Variants in SYT1 observed in about 807,000 individuals in gnomAD.
SYT1 encodes the protein synaptotagmin 1.
In SYT1, 8 loss-of-function variants were observed where a neutral mutation model predicts 44.8. The observed-to-expected ratio is 0.18, with a 90% CI of 0.10 to 0.32. SYT1 has a LOEUF of 0.32. Among genes scored for constraint, SYT1 ranks in the 10% least tolerant of loss-of-function variants. SYT1 has a pLI of 1.00. For synonymous variants in SYT1, 154 were observed against 188.8 expected (o/e 0.82, Z 1.51); for missense variants, 286 against 509.3 (o/e 0.56, Z 4.22).
chr12:79,279,739 T>C (rs1187304184), intron 4 of SYT1, among the ~76,000 whole-genome samples: 2 of 151,940 alleles, frequency 1.3e-5, no homozygotes, highest in African/African-American at 4.8e-5. Flanking sequence ...TTGATATAAA[T>C]GTATACATAG....
At chr12:79,085,067 C>A (rs12309802) in intron 3 of SYT1, among the ~76,000 whole-genome samples, 2 of 151,904 alleles carry the variant, frequency 1.3e-5, no homozygotes, top group African/African-American at 4.8e-5. Context: ...TTGTATGAAG[C>A]AAAGTTTGTG....
chr12:79,308,561 A>G (rs1880548090), intron 8 of SYT1, among the ~76,000 whole-genome samples: 1 of 148,548 alleles, frequency 6.7e-6, no homozygotes, highest in African/African-American at 2.6e-5. Flanking sequence ...AAAAGAAAGA[A>G]AGGAAAAGAA....
intron 1 of SYT1, among the ~76,000 whole-genome samples, chr12:78,931,049 C>T (rs1160957408): frequency 6.6e-6 from 1 of 150,894 alleles, no homozygotes; most frequent in Non-Finnish European, 1.5e-5. Flanking sequence ...GAAATCCCAG[C>T]TACTTGGGAG....
intron 2 of SYT1, among the ~76,000 whole-genome samples, chr12:78,991,062 A>T (rs1869979031): frequency 1.3e-5 from 2 of 152,166 alleles, no homozygotes; most frequent in African/African-American, 4.8e-5. Context: ...AAACAACAGC[A>T]TTTGTATTCT....
chr12:79,215,470 G>A (rs1036485997), intron 3 of SYT1, among the ~76,000 whole-genome samples: 12 of 152,258 alleles, frequency 7.9e-5, no homozygotes, highest in Non-Finnish European at 1.2e-4. Flanking sequence ...GATCTGAGCC[G>A]ATATCTGTCC....
chr12:79,448,407 T>TAAC (rs1870852522), intron 10 of SYT1, among the ~76,000 whole-genome samples: 1 of 152,230 alleles, frequency 6.6e-6, no homozygotes, highest in South Asian at 2.1e-4. Flanking sequence ...AATTTTTTTG[T>TAAC]AACATGCTGT....
intron 1 of SYT1, among the ~76,000 whole-genome samples, chr12:78,890,545 A>G (rs1874996912): frequency 2.0e-5 from 3 of 151,894 alleles, no homozygotes; most frequent in African/African-American, 7.2e-5. Flanking sequence ...TAATAAAATA[A>G]TAATAATAAT....
At chr12:79,188,958 A>AT (rs5799416) in intron 3 of SYT1, among the ~76,000 whole-genome samples, 106,072 of 150,854 alleles carry the variant, frequency 0.7, 37,733 homozygotes, top group African/African-American at 0.77. Flanking sequence ...TCACTAACCT[A>AT]TTTTTTTTTA....
intron 9 of SYT1, among the ~76,000 whole-genome samples, chr12:79,402,562 C>A (rs144849205): frequency 6.6e-6 from 1 of 152,198 alleles, no homozygotes; most frequent in South Asian, 2.1e-4. Flanking sequence ...ACCTAAATAG[C>A]CCCCTACATT....
chr12:79,171,055 CTCTTT>C (rs1871490691), intron 3 of SYT1, among the ~76,000 whole-genome samples: 1 of 151,988 alleles, frequency 6.6e-6, no homozygotes, highest in Admixed American at 6.6e-5. Context: ...GTCTATGTGT[CTCTTT>C]TGGTACCAAT....
At chr12:79,107,293 T>C (rs1157974284) in intron 3 of SYT1, among the ~76,000 whole-genome samples, 2 of 151,986 alleles carry the variant, frequency 1.3e-5, no homozygotes, top group Non-Finnish European at 2.9e-5. Context: ...TAACTTGATA[T>C]AGTGTTTGTA....
In SYT1 at chr12:79,451,799, T is replaced by C. The variant is rs572590401; in HGVS notation, c.*2675T>C. 3.3e-5 allele frequency: 5 copies of C among 152,346 alleles called. No homozygotes were observed. The South Asian group carries it at 1.0e-3, about 32-fold the overall frequency. The allele number at this position is 152,346 out of a possible 1,614,324, so 9.4% of individuals were successfully genotyped here. On this transcript the variant is annotated 3_prime_UTR_variant, in exon 11 of 11. Transcript: ENST00000261205. ...TCTATGTGTGGGTTTTCCCTGTATC[T>C]TGTAGAAATGTTGGGGTGTTTTCCT...
intron 1 of SYT1, among the ~76,000 whole-genome samples, chr12:78,869,123 G>A (rs886721774): frequency 4.0e-5 from 6 of 151,800 alleles, no homozygotes; most frequent in Admixed American, 3.9e-4. Flanking sequence ...CTCAAGAAAT[G>A]ATCAACATTT....
At chr12:78,911,362 G>A (rs945647968) in intron 1 of SYT1, among the ~76,000 whole-genome samples, 1 of 151,910 alleles carries the variant, frequency 6.6e-6, no homozygotes, top group Non-Finnish European at 1.5e-5. Flanking sequence ...TTGTGTTTAG[G>A]TAGTAATTCA....
chr12:78,987,182 CATT>C (rs1326030425), intron 2 of SYT1, among the ~76,000 whole-genome samples: 1 of 152,038 alleles, frequency 6.6e-6, no homozygotes, highest in Admixed American at 6.6e-5. Flanking sequence ...GGCATTATAT[CATT>C]ATGATCAGTA....
intron 1 of SYT1, among the ~76,000 whole-genome samples, chr12:78,950,706 T>A (rs968498167): frequency 1.3e-5 from 2 of 152,112 alleles, no homozygotes; most frequent in Non-Finnish European, 2.9e-5. Flanking sequence ...TTTAAATGTA[T>A]GTATATTTAT....
chr12:79,314,168 C>CAAAAAAAAAAAAAAAAAAAAAAAAAAAAA (rs34951756), intron 8 of SYT1, among the ~76,000 whole-genome samples: 1 of 67,286 alleles, frequency 1.5e-5, no homozygotes, highest in African/African-American at 6.3e-5. Context: ...GACTCCGTCT[C>CAAAAAAAAAAAAAAAAAAAAAAAAAAAAA]AAAAAAAAAA....
intron 8 of SYT1, among the ~76,000 whole-genome samples, chr12:79,343,771 C>T (rs1472717335): frequency 6.6e-6 from 1 of 151,860 alleles, no homozygotes; most frequent in Non-Finnish European, 1.5e-5. Flanking sequence ...ATAAATGAAA[C>T]ACAATTTTGA....
chr12:79,221,201 T>C (rs1875137353), intron 4 of SYT1, among the ~76,000 whole-genome samples: 1 of 152,140 alleles, frequency 6.6e-6, no homozygotes, highest in Non-Finnish European at 1.5e-5. Context: ...TTTTTGCAAC[T>C]TTTGCTTTTA....
Sources: allele counts gnomAD v4.1 joint callset (sites outside exome capture counted in the v4.1 genomes callset), GRCh38; gene constraint gnomAD v4.1.1; transcripts MANE v1.5; gene names NCBI Gene and HGNC (gene_info 2026-07-23, HGNC 2026-07-21).